CCDC73: variants seen among roughly 807,000 people sequenced by gnomAD.
CCDC73 encodes the protein coiled-coil domain containing 73, also known as coiled-coil domain-containing protein 73.
In CCDC73, 95 loss-of-function variants were observed where a neutral mutation model predicts 116.5. That is an observed-to-expected ratio of 0.82 (90% confidence interval 0.69 to 0.97). The LOEUF (loss-of-function observed/expected upper bound fraction) is 0.97. Among genes scored for constraint, CCDC73 ranks in the 50% least tolerant of loss-of-function variants. The pLI, the probability that CCDC73 is intolerant of heterozygous loss-of-function variation, is 0.00. For missense variants in CCDC73, 1,066 were observed against 1,206.8 expected, an observed-to-expected ratio of 0.88 and a Z score of 1.73; for synonymous variants, 398 against 401.3, an observed-to-expected ratio of 0.99 and a Z score of 0.10.
At chr11:32,720,484 T>C (rs1477664967) in intron 2 of CCDC73, among the ~76,000 whole-genome samples, 1 of 152,168 alleles carries the variant, frequency 6.6e-6, no homozygotes, top group African/African-American at 2.4e-5. Flanking sequence ...ATGTCTATTC[T>C]CATCGCTCTT....
At chr11:32,684,799 A>G (rs1856178938) in intron 6 of CCDC73, among the ~76,000 whole-genome samples, 1 of 152,104 alleles carries the variant, frequency 6.6e-6, no homozygotes, top group Non-Finnish European at 1.5e-5. Context: ...CCTGGGCAAC[A>G]TGGTGAAAGT....
intron 2 of CCDC73, among the ~76,000 whole-genome samples, chr11:32,730,773 T>A (rs1850069481): frequency 1.3e-5 from 2 of 152,312 alleles, no homozygotes; most frequent in South Asian, 4.1e-4. Flanking sequence ...AGCTGCTAAA[T>A]CTATTGAGTT....
chr11:32,772,965 C>A (rs1298175963), intron 1 of CCDC73, among the ~76,000 whole-genome samples: 2 of 152,060 alleles, frequency 1.3e-5, no homozygotes, highest in Non-Finnish European at 2.9e-5. Flanking sequence ...GAGAACACTA[C>A]ACATAAATAT....
intron 12 of CCDC73, among the ~76,000 whole-genome samples, chr11:32,645,294 T>TTC (rs34257480): frequency 0.24 from 33,940 of 139,928 alleles, 4,106 homozygotes; most frequent in Middle Eastern, 0.29. Context: ...TCTTTTTCTT[T>TTC]TTTTTTTTTT....
chr11:32,698,226 GT>G (rs1181376962), intron 6 of CCDC73, among the ~76,000 whole-genome samples: 1 of 151,270 alleles, frequency 6.6e-6, no homozygotes, highest in East Asian at 2.0e-4. Flanking sequence ...GGGTTTCACC[GT>G]GTTAGCCAGG....
chr11:32,623,739 AC>A (rs1855543650), intron 14 of CCDC73, among the ~76,000 whole-genome samples: 5 of 152,208 alleles, frequency 3.3e-5, no homozygotes, highest in Non-Finnish European at 1.5e-5. Context: ...ACTTGGCTCT[AC>A]AAAGAAGACT....
rs1355087233 is a variant in CCDC73 at position 32,614,154 on chromosome 11, G to T, written c.2164C>A (p.Leu722Ile). 1.4e-5 allele frequency: 22 copies of T among 1,613,652 alleles called. No individual in the cohort carries two copies. The highest frequency in any genetic ancestry group is 1.8e-5 in the Non-Finnish European group (21 of 1,179,848). ...ACATTTTTATCTGAGTTCTTCAGAA[G>T]TAGTTTTGAATTAGCACTAAAAGCA... ...YAAFSANSKL[L>I]LKNSDKNVHS... is the part of the protein sequence containing the mutation. Residue 722 changes from leucine to isoleucine, a missense_variant, in exon 16 of 18, where the codon CTT (leucine) becomes ATT (isoleucine). By Grantham distance (5) the Leu-to-Ile change is conservative. Coordinates refer to ENST00000335185, the MANE Select transcript of CCDC73 (RefSeq NM_001008391.4).
intron 12 of CCDC73, among the ~76,000 whole-genome samples, chr11:32,646,183 C>A (rs1855777375): frequency 6.6e-6 from 1 of 152,194 alleles, no homozygotes. Flanking sequence ...CTACCTACTT[C>A]AGGTATTCTC....
chr11:32,717,368 C>T (rs1354067653), intron 3 of CCDC73, among the ~76,000 whole-genome samples: 3 of 152,252 alleles, frequency 2.0e-5, no homozygotes, highest in African/African-American at 7.2e-5. Context: ...TATGTAATAA[C>T]ACCCTGGAAA....
chr11:32,778,005 C>T (rs979772165), intron 1 of CCDC73, among the ~76,000 whole-genome samples: 1 of 152,046 alleles, frequency 6.6e-6, no homozygotes, highest in Non-Finnish European at 1.5e-5. Flanking sequence ...AAATCATTTG[C>T]CAAATATCTT....
chr11:32,680,128 T>G (rs190253792), intron 7 of CCDC73: 2 of 152,176 alleles, frequency 1.3e-5, no homozygotes, highest in Admixed American at 1.3e-4. Context: ...GAAAATGAGA[T>G]GAAGAGGTCC....
At chr11:32,705,549 T>C (rs1849848907) in intron 3 of CCDC73, among the ~76,000 whole-genome samples, 1 of 152,150 alleles carries the variant, frequency 6.6e-6, no homozygotes, top group African/African-American at 2.4e-5. Flanking sequence ...CCCTCGTCAC[T>C]GTGTGCCTGG....
chr11:32,642,651 C>T (rs1456921032), intron 12 of CCDC73, among the ~76,000 whole-genome samples: 1 of 151,816 alleles, frequency 6.6e-6, no homozygotes, highest in Non-Finnish European at 1.5e-5. Flanking sequence ...AAAATACTAC[C>T]ATGTGTTTTC....
intron 17 of CCDC73, among the ~76,000 whole-genome samples, chr11:32,606,473 C>A (rs1212711444): frequency 6.6e-6 from 1 of 152,238 alleles, no homozygotes; most frequent in Non-Finnish European, 1.5e-5. Context: ...ATTTGCCCCA[C>A]ATTACATAAT....
chr11:32,662,341 C>A (rs1590576995), intron 9 of CCDC73, among the ~76,000 whole-genome samples: 1 of 152,212 alleles, frequency 6.6e-6, no homozygotes, highest in Non-Finnish European at 1.5e-5. Flanking sequence ...TACTCTCCAG[C>A]TCCTGTTGTT....
At chr11:32,767,857 C>T (rs560217428) in intron 1 of CCDC73, among the ~76,000 whole-genome samples, 2 of 152,280 alleles carry the variant, frequency 1.3e-5, no homozygotes, top group Non-Finnish European at 2.9e-5. Context: ...AATAGGAACA[C>T]TTTTACACTG....
At chr11:32,698,521 C>T (rs271025) in intron 6 of CCDC73, among the ~76,000 whole-genome samples, 2 of 152,168 alleles carry the variant, frequency 1.3e-5, no homozygotes, top group Admixed American at 6.5e-5. Context: ...CATTGCTAGA[C>T]TCGATCACTT....
chr11:32,613,845 C>A lies in CCDC73; in HGVS notation c.2473G>T (p.Asp825Tyr). The change falls in exon 16 of 18, where the codon GAC (aspartate) becomes TAC (tyrosine). Residue 825 changes from aspartate (D) to tyrosine (Y), a missense_variant. Coordinates refer to ENST00000335185, the MANE Select transcript of CCDC73 (RefSeq NM_001008391.4). ...ENQVTEATKNDLFLFVSINER... is the reference protein window; with the variant it reads ...ENQVTEATKNYLFLFVSINER... ...TTAATGCTCACAAAAAGGAAGAGGT[C>A]ATTTTTTGTGGCTTCAGTTACCTGA... 6.2e-7 allele frequency: 1 copy of A among 1,613,542 alleles called. No individual in the cohort carries two copies. The highest frequency in any genetic ancestry group is 1.1e-5 in the South Asian group (1 of 91,054).
At chr11:32,690,817 G>A (rs945853875) in intron 6 of CCDC73, among the ~76,000 whole-genome samples, 3 of 152,086 alleles carry the variant, frequency 2.0e-5, no homozygotes, top group Admixed American at 2.0e-4. Context: ...ATGTGAGGAT[G>A]GACTAATACA....
Sources: allele counts gnomAD v4.1 joint callset (sites outside exome capture counted in the v4.1 genomes callset), GRCh38; gene constraint gnomAD v4.1.1; transcripts MANE v1.5; gene names NCBI Gene and HGNC (gene_info 2026-07-23, HGNC 2026-07-21).